The following PDXDC1 variants were observed in gnomAD, a reference collection of about 807,000 sequenced individuals.
PDXDC1 encodes pyridoxal-dependent decarboxylase domain-containing protein 1.
Under a neutral mutation model 100.1 loss-of-function variants are expected in PDXDC1, and 42 were observed. The observed-to-expected ratio is 0.42, with a 90% confidence interval of 0.33 to 0.54. The LOEUF is 0.54. PDXDC1 is among the 20% of genes least tolerant of loss of function. The probability of loss-of-function intolerance (pLI) is 0.10; values close to 1 mark genes in which losing one functional copy is unlikely to be tolerated. For missense variants in PDXDC1, 636 were observed against 979.2 expected (o/e 0.65, Z 4.68); for synonymous variants, 260 against 371.7 (o/e 0.70, Z 3.46).
rs551078773 is a variant in PDXDC1, at chr16:15,037,879, T to TTGAAAGTCATTTGA, written c.*1619_*1632dup. The TTGAAAGTCATTTGA allele has an allele frequency of 3.7e-4, 203 of 555,726 alleles. No homozygotes were observed. The East Asian group carries it at 4.9e-3, about 13-fold the overall frequency. The allele number at this position is 555,726 out of a possible 1,614,324, so 34.4% of individuals were successfully genotyped here. ...GCCTTTGCCAAAATAAGGTTTTATT[T>TTGAAAGTCATTTGA]TGAAAGTCATTTGATGAAAGTCATT... On this transcript the variant is annotated 3_prime_UTR_variant, in exon 23 of 23. Coordinates refer to ENST00000396410, the MANE Select transcript of PDXDC1 (RefSeq NM_015027.4).
chr16:15,047,277 C>T, intron 16 of PDXDC1: 1 of 612,236 alleles, frequency 1.6e-6, no homozygotes, highest in South Asian at 2.0e-5. Flanking sequence ...ATTCACTCAA[C>T]CACTGCTGAC....
chr16:15,032,538 C>T (rs2066848100), intron 17 of PDXDC1: 2 of 221,632 alleles, frequency 9.0e-6, no homozygotes, highest in Admixed American at 5.5e-5. Context: ...CCTGTAGTCC[C>T]AGCTACTCGG....
At chr16:15,086,125 T>C (rs761881031) in intron 16 of PDXDC1, 2 of 1,605,754 alleles carry the variant, frequency 1.2e-6, no homozygotes, top group South Asian at 2.2e-5. Context: ...AAGCAATGAC[T>C]TACGAGGCAC....
chr16:15,145,135 G>A, the PDXDC1 span, among the ~76,000 whole-genome samples: 1 of 152,216 alleles, frequency 6.6e-6, no homozygotes, highest in African/African-American at 2.4e-5. Context: ...GCAGCCAGCA[G>A]GGTCCAGAGT....
At chr16:14,980,413 A>T (rs562994489) in intron 1 of PDXDC1, among the ~76,000 whole-genome samples, 1 of 152,406 alleles carries the variant, frequency 6.6e-6, no homozygotes, top group African/African-American at 2.4e-5. Context: ...CCTGGGTTCA[A>T]GCAATTCTCC....
chr16:15,081,314 C>A (rs2045693817), intron 16 of PDXDC1, among the ~76,000 whole-genome samples: 1 of 152,214 alleles, frequency 6.6e-6, no homozygotes, highest in Non-Finnish European at 1.5e-5. Flanking sequence ...AATGGCTGCA[C>A]CATTTTACAT....
chr16:14,991,267 ATGTGTGTGTGTGTGTGTGTGTGTGTG>A (rs10642182), intron 1 of PDXDC1, among the ~76,000 whole-genome samples: 1 of 149,766 alleles, frequency 6.7e-6, no homozygotes, highest in African/African-American at 2.5e-5. Flanking sequence ...GTATATAGAT[ATGTGTGTGTGTGTGTGTGTGTGTGTG>A]TGTGTGTGTG....
chr16:14,975,856 C>A (rs71232876), intron 1 of PDXDC1, among the ~76,000 whole-genome samples: 3 of 152,298 alleles, frequency 2.0e-5, no homozygotes, highest in African/African-American at 7.2e-5. Context: ...CTGCGATCAC[C>A]GGGCGAGAAC....
rs1298561797 is a variant in PDXDC1, at chr16:15,094,085, T to C, written c.1400-44794T>C. Reference sequence around the variant, plus strand: ...GTCCCACATCCTTTCAATCCGCTCCTCTAAGCGCCGTCCTGAGCTTTCGTC... The same window carrying C: ...GTCCCACATCCTTTCAATCCGCTCCCCTAAGCGCCGTCCTGAGCTTTCGTC... On this transcript the variant is annotated intron_variant, in intron 16 of 16. Transcript: ENST00000535621. 13 of 1,461,600 alleles carry C rather than the reference T, an allele frequency of 8.9e-6. No individual in the cohort carries two copies. The Admixed American group carries it at 2.5e-4, about 29-fold the overall frequency. 90.5% of individuals were successfully genotyped at this position (1,461,600 alleles called of 1,614,324 possible). A position where few individuals can be genotyped will look rare whatever the true frequency, so the allele number is the denominator to read the frequency against.
the PDXDC1 span, among the ~76,000 whole-genome samples, chr16:15,146,745 T>C: frequency 6.6e-6 from 1 of 152,094 alleles, no homozygotes; most frequent in South Asian, 2.1e-4. Context: ...GCAGGGCAGG[T>C]CTCACAGTGC....
intron 16 of PDXDC1, chr16:15,104,393 C>T: frequency 6.3e-7 from 1 of 1,595,336 alleles, no homozygotes; most frequent in Non-Finnish European, 8.5e-7. Context: ...GGGGAGTGAG[C>T]AGACACACTT....
At chr16:15,030,977 G>C (rs960165942) in intron 16 of PDXDC1, among the ~76,000 whole-genome samples, 1 of 151,420 alleles carries the variant, frequency 6.6e-6, no homozygotes, top group Non-Finnish European at 1.5e-5. Flanking sequence ...TTTAGAAACA[G>C]GGTCTCATTT....
upstream of PDXDC1, chr16:14,975,003 G>T (rs751532072): frequency 3.3e-6 from 5 of 1,535,130 alleles, no homozygotes; most frequent in East Asian, 1.2e-4. Context: ...TCCGCCCAGC[G>T]CTACGGGGCC....
At chr16:15,077,655 C>G (rs113861147) in intron 16 of PDXDC1, among the ~76,000 whole-genome samples, 7,268 of 152,230 alleles carry the variant, frequency 0.048, 261 homozygotes, top group African/African-American at 0.093. Context: ...TCCTGGCTAA[C>G]ACGGTGAAAC....
chr16:15,125,921 C>T (rs2089715), intron 16 of PDXDC1: 42 of 652,156 alleles, frequency 6.4e-5, no homozygotes, highest in East Asian at 1.4e-4. Flanking sequence ...GACAGAATGT[C>T]CTAGAATGCT....
At chr16:15,125,783 G>C (rs1186573574) in intron 16 of PDXDC1, 6 of 1,469,652 alleles carry the variant, frequency 4.1e-6, no homozygotes, top group South Asian at 1.1e-5. Flanking sequence ...TGCCCGGCAG[G>C]TGTGGGGCTC....
rs150003266 is a variant in PDXDC1, at chr16:15,034,162, G to A, written c.1813-124G>A. The A allele has an allele frequency of 2.3e-3, 1,749 of 760,446 alleles. 32 individuals carry two copies. The highest frequency in any genetic ancestry group is 0.017 in the South Asian group (1,071 of 61,206). 47.1% of individuals were successfully genotyped at this position (760,446 alleles called of 1,614,324 possible). ...TTTGAGTTTCTGTTCGTTTTACGCC[G>A]GCTTTTCAATGCAGGATTTCATTGA... On this transcript the variant is annotated intron_variant, in intron 19 of 22. Coordinates refer to ENST00000396410, the MANE Select transcript of PDXDC1 (RefSeq NM_015027.4).
At chr16:15,128,030 G>A (rs1361253175) in intron 16 of PDXDC1, 11 of 1,600,568 alleles carry the variant, frequency 6.9e-6, no homozygotes, top group Non-Finnish European at 9.4e-6. Flanking sequence ...GCCCCCGTTG[G>A]CCTCCGTCTC....
intron 16 of PDXDC1, chr16:15,133,258 A>G (rs891133076): frequency 7.7e-6 from 12 of 1,552,108 alleles, no homozygotes; most frequent in Non-Finnish European, 9.6e-6. Flanking sequence ...GCCAGGCTGC[A>G]CTCACCTCGT....
Sources: gnomAD v4.1 joint callset for allele counts (sites outside exome capture counted in the v4.1 genomes callset) on GRCh38, gnomAD v4.1.1 for gene constraint, MANE v1.5 for transcripts, NCBI Gene and HGNC (gene_info 2026-07-23, HGNC 2026-07-21) for gene names.